Variants in RSRC1 observed in about 807,000 individuals in gnomAD.
RSRC1 encodes the protein arginine and serine rich coiled-coil 1.
RSRC1 carries 39 observed loss-of-function variants against 49.1 expected under a neutral mutation model. The ratio of observed to expected loss-of-function variants is 0.79; its 90% CI spans 0.61 to 1.04. The LOEUF is 1.04. RSRC1 is among the 50% of genes least tolerant of loss of function. RSRC1 has a pLI of 0.00. For synonymous variants in RSRC1, 143 were observed against 130.8 expected, an observed-to-expected ratio of 1.09 and a Z score of -0.63; for missense variants, 388 against 402.4, an observed-to-expected ratio of 0.96 and a Z score of 0.31.
At chr3:158,346,981 C>T (rs1348026625) in intron 5 of RSRC1, among the ~76,000 whole-genome samples, 1 of 152,112 alleles carries the variant, frequency 6.6e-6, no homozygotes, top group Non-Finnish European at 1.5e-5. Flanking sequence ...AAGTTTCAAA[C>T]TAATTGTGTG....
At chr3:158,458,581 C>T (rs1036162065) in intron 6 of RSRC1, among the ~76,000 whole-genome samples, 1 of 151,942 alleles carries the variant, frequency 6.6e-6, no homozygotes, top group South Asian at 2.1e-4. Context: ...GACAGTTAGC[C>T]GGGGAGAGTG....
At chr3:158,276,271 G>A (rs1725807056) in intron 4 of RSRC1, 7 of 766,474 alleles carry the variant, frequency 9.1e-6, no homozygotes, top group Admixed American at 5.1e-5. Flanking sequence ...TTGCAGCCCA[G>A]TCTGCACAAT....
At chr3:158,280,769 C>T (rs760099224) in intron 4 of RSRC1, among the ~76,000 whole-genome samples, 1 of 150,434 alleles carries the variant, frequency 6.6e-6, no homozygotes, top group Non-Finnish European at 1.5e-5. Flanking sequence ...GCCTCAGCCT[C>T]CTGAGTAGCT....
intron 5 of RSRC1, among the ~76,000 whole-genome samples, chr3:158,313,926 T>G (rs914117918): frequency 1.3e-5 from 2 of 152,208 alleles, no homozygotes; most frequent in Non-Finnish European, 1.5e-5. Context: ...CAAAAACATT[T>G]AAAGTTTTTA....
intron 5 of RSRC1, among the ~76,000 whole-genome samples, chr3:158,307,518 A>G (rs1045333639): frequency 2.6e-5 from 4 of 151,848 alleles, no homozygotes; most frequent in African/African-American, 9.7e-5. Flanking sequence ...ATTCCAAACC[A>G]CTTTTGGGTG....
intron 1 of RSRC1, among the ~76,000 whole-genome samples, chr3:158,116,100 A>C (rs925670127): frequency 2.6e-5 from 4 of 152,192 alleles, no homozygotes; most frequent in Non-Finnish European, 4.4e-5. Flanking sequence ...ATGTTTGTTA[A>C]TGTCACCGAT....
intron 4 of RSRC1, among the ~76,000 whole-genome samples, chr3:158,295,531 G>A (rs1727188123): frequency 6.6e-6 from 1 of 152,088 alleles, no homozygotes; most frequent in African/African-American, 2.4e-5. Flanking sequence ...CAGCAATTTA[G>A]GGAGAAAAGA....
intron 7 of RSRC1, among the ~76,000 whole-genome samples, chr3:158,473,923 A>T (rs1738255844): frequency 6.6e-6 from 1 of 152,176 alleles, no homozygotes; most frequent in African/African-American, 2.4e-5. Context: ...CTTCTAGAGG[A>T]CATTAAGTAT....
At chr3:158,254,230 G>T (rs773334493) in intron 4 of RSRC1, among the ~76,000 whole-genome samples, 12 of 152,166 alleles carry the variant, frequency 7.9e-5, no homozygotes, top group Non-Finnish European at 1.3e-4. Flanking sequence ...AAACATACGT[G>T]TGCCTGTGTT....
At chr3:158,463,915 G>A (rs56130447) in intron 7 of RSRC1, among the ~76,000 whole-genome samples, 20,256 of 151,934 alleles carry the variant, frequency 0.13, 1,472 homozygotes, top group Middle Eastern at 0.19. Flanking sequence ...GGTGATAGGC[G>A]CTCACTCTTG....
chr3:158,130,891 T>C (rs928442940), intron 3 of RSRC1, among the ~76,000 whole-genome samples: 2 of 152,188 alleles, frequency 1.3e-5, no homozygotes, highest in Non-Finnish European at 2.9e-5. Context: ...CTAGCAGATA[T>C]TCTGAAGATA....
chr3:158,501,058 T>A (rs1402112939), intron 7 of RSRC1, among the ~76,000 whole-genome samples: 1 of 152,196 alleles, frequency 6.6e-6, no homozygotes, highest in African/African-American at 2.4e-5. Flanking sequence ...ATTGATTGTG[T>A]CATTACTGTC....
intron 6 of RSRC1, among the ~76,000 whole-genome samples, chr3:158,435,948 C>A (rs1736018721): frequency 6.6e-6 from 1 of 151,616 alleles, no homozygotes; most frequent in Admixed American, 6.6e-5. Context: ...ATGGAATGTA[C>A]TAATTAATGT....
At chr3:158,425,596 G>T (rs11719002) in intron 6 of RSRC1, among the ~76,000 whole-genome samples, 67,093 of 151,476 alleles carry the variant, frequency 0.44, 15,845 homozygotes, top group South Asian at 0.61. Flanking sequence ...ATGTCTATTA[G>T]GTCCGCTTGG....
In RSRC1 at chr3:158,460,928, G is replaced by C. The variant is rs1481840276; in HGVS notation, c.584-7G>C. ...TAAGTACAAAAATTGTATTGTTTTT[G>C]TTTCAGCAAAAGCTGATGAAGCATT... is the stretch of plus-strand genomic sequence containing the variant. On this transcript the variant is annotated splice_region_variant and splice_polypyrimidine_tract_variant and intron_variant, in intron 6 of 9. Coordinates refer to ENST00000611884, the MANE Select transcript of RSRC1 (RefSeq NM_001271838.2). 6.3e-7 allele frequency: 1 copy of C among 1,576,256 alleles called. No individual in the cohort carries two copies. The highest frequency in any genetic ancestry group is 8.6e-7 in the Non-Finnish European group (1 of 1,157,802).
intron 7 of RSRC1, among the ~76,000 whole-genome samples, chr3:158,489,901 A>T (rs1008359872): frequency 1.3e-5 from 2 of 152,178 alleles, no homozygotes; most frequent in Admixed American, 1.3e-4. Flanking sequence ...GGAAATATTG[A>T]GATAATGTAT....
rs377128391 is a variant in RSRC1, at chr3:158,267,858, C to CTTTTTTTTTT, written c.495-30180_495-30179insTTTTTTTTTT. Reference sequence around the variant, plus strand: ...TTTCTTATGCTGTTTGTTTCCATATCTATTTTTTTTTTTTTTTTTTGGCTT... The same window carrying CTTTTTTTTTT: ...TTTCTTATGCTGTTTGTTTCCATATCTTTTTTTTTTTATTTTTTTTTTTTTTTTTTGGCTT... On this transcript the variant is annotated intron_variant, in intron 4 of 9. Transcript: ENST00000611884. Among the ~76,000 whole-genome samples, 140 of 91,112 alleles carry CTTTTTTTTTT rather than the reference C, an allele frequency of 1.5e-3. 5 individuals are homozygous for CTTTTTTTTTT. The highest frequency in any genetic ancestry group is 2.2e-3 in the East Asian group (6 of 2,744). 59.8% of individuals were successfully genotyped at this position (91,112 alleles called of 152,430 possible).
intron 6 of RSRC1, among the ~76,000 whole-genome samples, chr3:158,460,688 T>A (rs1737563706): frequency 6.6e-6 from 1 of 151,932 alleles, no homozygotes; most frequent in Non-Finnish European, 1.5e-5. Flanking sequence ...GTGTCTTGCT[T>A]AAATTCATTT....
intron 4 of RSRC1, among the ~76,000 whole-genome samples, chr3:158,228,613 TA>T (rs1242199838): frequency 6.6e-6 from 1 of 152,034 alleles, no homozygotes; most frequent in African/African-American, 2.4e-5. Context: ...TATTGTGATT[TA>T]TCAAACTATC....
Sources: allele counts gnomAD v4.1 joint callset (sites outside exome capture counted in the v4.1 genomes callset), GRCh38; gene constraint gnomAD v4.1.1; transcripts MANE v1.5; gene names NCBI Gene and HGNC (gene_info 2026-07-23, HGNC 2026-07-21).